The following IRS1 variants were observed in gnomAD, a reference collection of about 807,000 sequenced individuals.
The protein encoded by IRS1 is insulin receptor substrate 1.
Under a neutral mutation model 65.6 loss-of-function variants are expected in IRS1, and 34 were observed. The ratio of observed to expected loss-of-function variants is 0.52; its 90% confidence interval spans 0.39 to 0.69. The LOEUF is 0.69. IRS1 is among the 30% of genes least tolerant of loss of function. IRS1 has a pLI of 0.00. For missense variants in IRS1, 1,641 were observed against 1,720.2 expected (o/e 0.95, Z 0.81); for synonymous variants, 699 against 683.5 (o/e 1.02, Z -0.35).
At chr2:226,779,692 G>C (rs141491665) in intron 1 of IRS1, among the ~76,000 whole-genome samples, 2 of 152,210 alleles carry the variant, frequency 1.3e-5, no homozygotes, top group African/African-American at 2.4e-5. Flanking sequence ...TACTATAAAA[G>C]TTCTTGGATC....
chr2:226,749,559 G>A lies in IRS1; in HGVS notation c.*22-13309C>T, dbSNP rs140937464. Among the ~76,000 whole-genome samples the A allele has an allele frequency of 5.0e-3, 768 of 152,300 alleles. 3 individuals carry two copies. Among genetic ancestry groups the A allele is most frequent in the Middle Eastern group, 0.014 (4 of 294 alleles). On this transcript the variant is annotated intron_variant, in intron 1 of 1. Transcript: ENST00000305123. ...GAAAAAGTCAATAGGAAGTTGACTTGAGAACCATTTGCCATAAGTCAGTAA... is the reference window on the plus strand; with the variant it reads ...GAAAAAGTCAATAGGAAGTTGACTTAAGAACCATTTGCCATAAGTCAGTAA...
In IRS1 at chr2:226,796,116, G is replaced by T. The variant is rs767551071; in HGVS notation, c.2623C>A (p.Arg875=). The change falls in exon 1 of 2, where the codon CGA becomes AGA. Residue 875 remains arginine (R), a synonymous_variant. Coordinates refer to ENST00000305123, the MANE Select transcript of IRS1 (RefSeq NM_005544.3). ...GGCTGCTGCTGCTGCTGCTGCTCTC[G>T]GGCCCGAGGTAAGGTGCTGGCCTTG... is the stretch of plus-strand genomic sequence containing the variant. ...DPKASTLPRA[R]EQQQQQQPLL... 5 of 1,613,544 alleles carry T rather than the reference G, an allele frequency of 3.1e-6. No individual in the cohort carries two copies. The highest frequency in any genetic ancestry group is 3.3e-4 in the Middle Eastern group (2 of 6,082).
intron 1 of IRS1, among the ~76,000 whole-genome samples, chr2:226,739,647 G>C (rs1475782035): frequency 6.6e-6 from 1 of 152,170 alleles, no homozygotes; most frequent in South Asian, 2.1e-4. Context: ...TACAACACTT[G>C]CTCTGATGAG....
At chr2:226,786,667 C>A (rs868842827) in intron 1 of IRS1, among the ~76,000 whole-genome samples, 212 of 126,362 alleles carry the variant, frequency 1.7e-3, no homozygotes, top group Admixed American at 4.4e-3. Flanking sequence ...ACAACAACAA[C>A]AAAAAAAAAC....
intron 1 of IRS1, among the ~76,000 whole-genome samples, chr2:226,781,865 TACAC>T (rs34695433): frequency 0.031 from 4,052 of 131,476 alleles, 97 homozygotes; most frequent in African/African-American, 0.075. Context: ...CACCCCTAAA[TACAC>T]ACACACACAC....
rs190398304 is a variant in IRS1, at chr2:226,794,155, C to G, written c.*21+834G>C. ...CCCCCAAATGATATCTGTAATGTCT[C>G]AGTGCAAGAAGAGATAACTATAAGG... On this transcript the variant is annotated intron_variant, in intron 1 of 1. Transcript: ENST00000305123. This position sits in a 1 kb window ranked among gnomAD's most constrained non-coding sequence, Gnocchi z 4.1. Among the ~76,000 whole-genome samples the G allele has an allele frequency of 6.6e-6, 1 of 152,140 alleles. No individual in the cohort carries two copies. Among genetic ancestry groups the G allele is most frequent in the African/African-American group, 2.4e-5 (1 of 41,420 alleles).
chr2:226,745,286 G>A (rs1482862373), intron 1 of IRS1, among the ~76,000 whole-genome samples: 1 of 152,192 alleles, frequency 6.6e-6, no homozygotes, highest in South Asian at 2.1e-4. Context: ...TGCAATAAAT[G>A]TGTGTTTCCC....
In IRS1 at chr2:226,799,186, A is replaced by G. The variant is rs938985292; in HGVS notation, c.-448T>C. ...CCCTCCTGAGTTCCCCTCTGGAAGC[A>G]GCGATTCCCGAGGCAAATTAAATAT... On this transcript the variant is annotated 5_prime_UTR_variant, in exon 1 of 2. Coordinates refer to ENST00000305123, the MANE Select transcript of IRS1 (RefSeq NM_005544.3). The surrounding 1 kb of genome is among the most constrained non-coding windows in gnomAD (Gnocchi z 6.1). The G allele has an allele frequency of 6.3e-6, 7 of 1,105,866 alleles. No homozygotes were observed. The highest frequency in any genetic ancestry group is 2.2e-6 in the Non-Finnish European group (2 of 893,258). 68.5% of individuals were successfully genotyped at this position (1,105,866 alleles called of 1,614,324 possible).
chr2:226,780,070 A>T (rs543116298), intron 1 of IRS1, among the ~76,000 whole-genome samples: 26 of 152,346 alleles, frequency 1.7e-4, no homozygotes, highest in Non-Finnish European at 2.8e-4. Flanking sequence ...TCTATGAATC[A>T]CAAACTTTCT....
At chr2:226,784,036 A>G (rs1185152032) in intron 1 of IRS1, among the ~76,000 whole-genome samples, 1 of 151,968 alleles carries the variant, frequency 6.6e-6, no homozygotes, top group Non-Finnish European at 1.5e-5. Context: ...CCCCCAGTCA[A>G]TCCTCCAACT....
intron 1 of IRS1, among the ~76,000 whole-genome samples, chr2:226,737,833 G>A (rs532914447): frequency 3.3e-5 from 5 of 152,158 alleles, no homozygotes; most frequent in Non-Finnish European, 7.4e-5. Flanking sequence ...CTTTGGTGTT[G>A]CAGTCCCAGA....
intron 1 of IRS1, among the ~76,000 whole-genome samples, chr2:226,779,923 C>T (rs776886115): frequency 5.9e-5 from 9 of 152,172 alleles, no homozygotes; most frequent in Non-Finnish European, 1.2e-4. Flanking sequence ...AGAGTACCTA[C>T]CAAGGGCTAC....
rs2106155047 is a variant in IRS1, at chr2:226,733,487, A to G, written c.*2785T>C. ...TTCTTTTGCCCAGAATGAAGATATCATCAAAGTCATAAAACATATTTGTTC... is the reference window on the plus strand; with the variant it reads ...TTCTTTTGCCCAGAATGAAGATATCGTCAAAGTCATAAAACATATTTGTTC... On this transcript the variant is annotated 3_prime_UTR_variant, in exon 2 of 2. Coordinates refer to ENST00000305123, the MANE Select transcript of IRS1 (RefSeq NM_005544.3). The G allele has an allele frequency of 6.6e-6, 1 of 152,358 alleles. No homozygotes were observed. Among genetic ancestry groups the G allele is most frequent in the Non-Finnish European group, 1.5e-5 (1 of 68,032 alleles). The allele number at this position is 152,358 out of a possible 1,614,324, so 9.4% of individuals were successfully genotyped here. A position where few individuals can be genotyped will look rare whatever the true frequency, so the allele number is the denominator to read the frequency against.
At chr2:226,764,432 A>G (rs1347474787) in intron 1 of IRS1, among the ~76,000 whole-genome samples, 1 of 152,176 alleles carries the variant, frequency 6.6e-6, no homozygotes, top group Non-Finnish European at 1.5e-5. Context: ...AGTCCAAGCT[A>G]CATGGGAGGA....
chr2:226,760,475 C>T (rs1213852503), intron 1 of IRS1, among the ~76,000 whole-genome samples: 2 of 152,180 alleles, frequency 1.3e-5, no homozygotes, highest in Admixed American at 1.3e-4. Flanking sequence ...CCAGTCCACA[C>T]TTCCCTACAA....
At chr2:226,743,873 C>T (rs997399490) in intron 1 of IRS1, among the ~76,000 whole-genome samples, 2 of 152,184 alleles carry the variant, frequency 1.3e-5, no homozygotes, top group Non-Finnish European at 2.9e-5. Context: ...GTGTGCAAAA[C>T]TGTTTCTATA....
At chr2:226,762,414 C>T (rs775044979) in intron 1 of IRS1, among the ~76,000 whole-genome samples, 7 of 150,950 alleles carry the variant, frequency 4.6e-5, no homozygotes, top group African/African-American at 1.7e-4. Flanking sequence ...GCTTTACCTA[C>T]CACAGGTAAC....
At position 226,799,447 on chromosome 2, in the gene IRS1, G is replaced by A; in HGVS notation, c.-709C>T. 1.7e-6 allele frequency: 2 copies of A among 1,197,056 alleles called. No individual in the cohort carries two copies. The highest frequency in any genetic ancestry group is 3.1e-5 in the South Asian group (2 of 65,464). The allele number at this position is 1,197,056 out of a possible 1,614,324, so 74.2% of individuals were successfully genotyped here. A position where few individuals can be genotyped will look rare whatever the true frequency, so the allele number is the denominator to read the frequency against. On this transcript the variant is annotated 5_prime_UTR_variant, in exon 1 of 2. Transcript: ENST00000305123. The surrounding 1 kb of genome is among the most constrained non-coding windows in gnomAD (Gnocchi z 6.1). ...CCCATCCGGGCCCATCTCGGCGGGT[G>A]GAGAAAGTGGCTTTTCCATGCGAAA...
At chr2:226,756,119 A>T (rs1476472687) in intron 1 of IRS1, among the ~76,000 whole-genome samples, 1 of 152,196 alleles carries the variant, frequency 6.6e-6, no homozygotes, top group Non-Finnish European at 1.5e-5. Flanking sequence ...CAGCAAATTA[A>T]TATCAGTGGT....
Sources: gnomAD v4.1 joint callset for allele counts (sites outside exome capture counted in the v4.1 genomes callset) on GRCh38, gnomAD v4.1.1 for gene constraint, Gnocchi (gnomAD v3.1) non-coding constraint, MANE v1.5 for transcripts, NCBI Gene and HGNC (gene_info 2026-07-23, HGNC 2026-07-21) for gene names.